The following CADM2 variants were observed in gnomAD, a reference collection of about 807,000 sequenced individuals.
CADM2 encodes the protein immunoglobulin superfamily member 4D.
A neutral mutation model predicts 49.8 loss-of-function variants in CADM2; 12 were observed. That is an observed-to-expected ratio of 0.24 (90% CI 0.15 to 0.39). CADM2 has a LOEUF of 0.39. Ranked by LOEUF, CADM2 falls within the 10% of genes least tolerant of loss-of-function variation. CADM2 has a pLI of 1.00. For missense variants in CADM2, 378 were observed against 492.3 expected, an observed-to-expected ratio of 0.77 and a Z score of 2.20; for synonymous variants, 214 against 175.4, an observed-to-expected ratio of 1.22 and a Z score of -1.74.
chr3:85,616,135 T>TA (rs1279843347), intron 1 of CADM2, among the ~76,000 whole-genome samples: 2 of 151,716 alleles, frequency 1.3e-5, no homozygotes, highest in African/African-American at 2.4e-5. Context: ...ATCCTCATTT[T>TA]AAAAAAATGA....
intron 1 of CADM2, among the ~76,000 whole-genome samples, chr3:85,029,236 G>T (rs983498534): frequency 6.6e-6 from 1 of 151,846 alleles, no homozygotes. Context: ...CATTTTACTG[G>T]TTCTATACAT....
At position 85,029,404 on chromosome 3, in the gene CADM2, C is replaced by T. The variant is rs9754888; in HGVS notation, c.61+69736C>T. ...TTATTTCTTGAGATGGGCCGAGAGT[C>T]TCTTTGTTAAGGATCTTTCTCTTAA... On this transcript the variant is annotated intron_variant, in intron 1 of 9. Transcript: ENST00000383699. 4.9e-3 allele frequency among the ~76,000 whole-genome samples: 747 copies of T among 152,246 alleles called. 6 individuals are homozygous for T. Among genetic ancestry groups the T allele is most frequent in the African/African-American group, 0.017 (719 of 41,552 alleles).
At chr3:85,666,239 A>G (rs376811325) in intron 1 of CADM2, among the ~76,000 whole-genome samples, 18 of 152,158 alleles carry the variant, frequency 1.2e-4, no homozygotes, top group African/African-American at 4.3e-4. Flanking sequence ...AGGAAATAAG[A>G]TAGGACACAA....
At chr3:85,054,281 G>T (rs2035992015) in intron 1 of CADM2, among the ~76,000 whole-genome samples, 1 of 151,748 alleles carries the variant, frequency 6.6e-6, no homozygotes, top group Admixed American at 6.6e-5. Flanking sequence ...TATTTGAATT[G>T]GCAGAGACAG....
chr3:86,064,387 T>A (rs1385432389), intron 8 of CADM2, among the ~76,000 whole-genome samples: 1 of 152,144 alleles, frequency 6.6e-6, no homozygotes, highest in African/African-American at 2.4e-5. Flanking sequence ...CATGGACTCA[T>A]CCTTTTTTTA....
intron 1 of CADM2, among the ~76,000 whole-genome samples, chr3:85,228,868 C>T (rs986976964): frequency 6.6e-6 from 1 of 152,172 alleles, no homozygotes; most frequent in Non-Finnish European, 1.5e-5. Context: ...AGAACCACTG[C>T]TCTCTTCAGA....
chr3:85,140,086 G>C (rs983850671), intron 1 of CADM2, among the ~76,000 whole-genome samples: 6 of 152,112 alleles, frequency 3.9e-5, no homozygotes, highest in Admixed American at 6.6e-5. Context: ...CAGGCTTGTA[G>C]CTAAGATTCG....
At chr3:85,539,192 T>C (rs1051271001) in intron 1 of CADM2, among the ~76,000 whole-genome samples, 6 of 151,616 alleles carry the variant, frequency 4.0e-5, no homozygotes, top group African/African-American at 1.5e-4. Flanking sequence ...GCTTAACTTG[T>C]GGTTTCACAA....
intron 1 of CADM2, among the ~76,000 whole-genome samples, chr3:85,159,159 T>C (rs1298436678): frequency 1.3e-5 from 2 of 152,208 alleles, no homozygotes; most frequent in Non-Finnish European, 1.5e-5. Context: ...TCAAAAATAA[T>C]TTTACATGAT....
chr3:85,299,896 AT>A (rs936492325), intron 1 of CADM2, among the ~76,000 whole-genome samples: 3 of 151,896 alleles, frequency 2.0e-5, no homozygotes, highest in African/African-American at 4.8e-5. Flanking sequence ...AGGTAAAAGT[AT>A]TTTTTTTCTT....
At chr3:85,711,622 T>C (rs2067121614) in intron 1 of CADM2, among the ~76,000 whole-genome samples, 1 of 152,158 alleles carries the variant, frequency 6.6e-6, no homozygotes, top group South Asian at 2.1e-4. Context: ...ATTGGTTTGT[T>C]TGAAAACATC....
intron 8 of CADM2, among the ~76,000 whole-genome samples, chr3:86,041,199 T>G (rs1735870136): frequency 6.6e-6 from 1 of 152,132 alleles, no homozygotes; most frequent in Non-Finnish European, 1.5e-5. Context: ...CGAGCTAACA[T>G]CATAATGACA....
chr3:85,575,472 A>AC (rs1331437417), intron 1 of CADM2, among the ~76,000 whole-genome samples: 1 of 152,156 alleles, frequency 6.6e-6, no homozygotes, highest in East Asian at 1.9e-4. Context: ...AATGGCGTGA[A>AC]CCCTGGAGGC....
At chr3:85,341,297 A>G (rs1442144619) in intron 1 of CADM2, among the ~76,000 whole-genome samples, 1 of 151,948 alleles carries the variant, frequency 6.6e-6, no homozygotes, top group East Asian at 1.9e-4. Context: ...AATGAAATGC[A>G]TTTGAAAATT....
In CADM2 at chr3:86,055,470, T is replaced by G. The variant is rs918201597; in HGVS notation, c.971-10135T>G. 6.1e-3 allele frequency among the ~76,000 whole-genome samples: 808 copies of G among 132,044 alleles called. 11 individuals are homozygous for G. The highest frequency in any genetic ancestry group is 0.02 in the African/African-American group (695 of 34,166). The allele number at this position is 132,044 out of a possible 152,430, so 86.6% of individuals were successfully genotyped here. A position where few individuals can be genotyped will look rare whatever the true frequency, so the allele number is the denominator to read the frequency against. Reference sequence around the variant, plus strand: ...TCCCCTCTTTTTTTTTTTTTTTTTTTTTTTTTTTTGGTTTTAGAGGGATTC... The same window carrying G: ...TCCCCTCTTTTTTTTTTTTTTTTTTGTTTTTTTTTGGTTTTAGAGGGATTC... On this transcript the variant is annotated intron_variant, in intron 8 of 9. Transcript: ENST00000383699.
chr3:85,219,103 A>T (rs2041992562), intron 1 of CADM2, among the ~76,000 whole-genome samples: 1 of 152,190 alleles, frequency 6.6e-6, no homozygotes, highest in South Asian at 2.1e-4. Context: ...AGGAGGTATT[A>T]TAGGTATGGT....
chr3:85,037,493 T>C (rs1408547680), intron 1 of CADM2, among the ~76,000 whole-genome samples: 2 of 152,228 alleles, frequency 1.3e-5, no homozygotes, highest in Non-Finnish European at 2.9e-5. Flanking sequence ...ATTTCTGTTC[T>C]TAGTTGCTTT....
chr3:85,770,064 A>G (rs1457145318), intron 2 of CADM2, among the ~76,000 whole-genome samples: 3 of 152,162 alleles, frequency 2.0e-5, no homozygotes, highest in Non-Finnish European at 4.4e-5. Flanking sequence ...ATTGGGAAAC[A>G]GAAAACCTGA....
At chr3:85,896,242 C>T (rs1374343149) in intron 5 of CADM2, among the ~76,000 whole-genome samples, 2 of 152,084 alleles carry the variant, frequency 1.3e-5, no homozygotes, top group African/African-American at 4.8e-5. Flanking sequence ...GCCATGATAG[C>T]ACCACTGCAT....
Sources: allele counts gnomAD v4.1 joint callset (sites outside exome capture counted in the v4.1 genomes callset), GRCh38; gene constraint gnomAD v4.1.1; transcripts MANE v1.5; gene names NCBI Gene and HGNC (gene_info 2026-07-23, HGNC 2026-07-21).